Variants in DGCR2 observed in about 807,000 individuals in gnomAD.
The protein encoded by DGCR2 is integral membrane protein DGCR2/IDD.
Under a neutral mutation model 51.6 loss-of-function variants are expected in DGCR2, and 24 were observed. The ratio of observed to expected loss-of-function variants is 0.47; its 90% CI spans 0.34 to 0.65. The LOEUF is 0.65. DGCR2 is among the 30% of genes least tolerant of loss of function. The pLI, the probability that DGCR2 is intolerant of heterozygous loss-of-function variation, is 0.01. For missense variants in DGCR2, 765 were observed against 772.1 expected (o/e 0.99, Z 0.11); for synonymous variants, 340 against 315.4 (o/e 1.08, Z -0.82).
chr22:19,086,387 G>A (rs1243375234), intron 2 of DGCR2, among the ~76,000 whole-genome samples: 1 of 152,130 alleles, frequency 6.6e-6, no homozygotes, highest in Non-Finnish European at 1.5e-5. Flanking sequence ...GCTGAGGCAG[G>A]AGAATGGCAT....
intron 5 of DGCR2, among the ~76,000 whole-genome samples, chr22:19,062,779 A>ATTCATTCTCTCTCTCCTCTCTCTCT: frequency 7.9e-6 from 1 of 127,354 alleles, no homozygotes; most frequent in Non-Finnish European, 1.8e-5. Context: ...ATGCATGCTC[A>ATTCATTCTCTCTCTCCTCTCTCTCT]CTCTCTCTCT....
At chr22:19,073,284 ATG>A (rs2082837303) in intron 2 of DGCR2, among the ~76,000 whole-genome samples, 1 of 143,790 alleles carries the variant, frequency 7.0e-6, no homozygotes, top group South Asian at 3.0e-4. Flanking sequence ...AACTGAATAC[ATG>A]ACAGCAAACA....
intron 2 of DGCR2, among the ~76,000 whole-genome samples, chr22:19,075,014 G>A (rs554641288): frequency 9.2e-5 from 14 of 151,956 alleles, no homozygotes; most frequent in Admixed American, 8.5e-4. Context: ...TTCATTTCTG[G>A]GAAATTTTCT....
Position 19,092,606 on chromosome 22 carries a change from T to C in DGCR2, c.80-3116A>G, listed in dbSNP as rs554595535. 1.1e-4 allele frequency among the ~76,000 whole-genome samples: 17 copies of C among 152,214 alleles called. No homozygotes were observed. In the South Asian group the frequency reaches 3.3e-3, roughly 30 times the overall value. On this transcript the variant is annotated intron_variant, in intron 1 of 9. Coordinates refer to ENST00000263196, the MANE Select transcript of DGCR2 (RefSeq NM_005137.3). ...CTTCAAAGGAAACTCCAGGCACAAA[T>C]AGCTTCAATGGAAAATTCCTCCAAA...
intron 1 of DGCR2, among the ~76,000 whole-genome samples, chr22:19,105,772 A>C (rs1207881556): frequency 6.6e-6 from 1 of 152,184 alleles, no homozygotes; most frequent in East Asian, 1.9e-4. Context: ...CTGGCATTCC[A>C]AACAGTGCAC....
intron 2 of DGCR2, among the ~76,000 whole-genome samples, chr22:19,080,358 C>T (rs62221745): frequency 0.094 from 14,286 of 152,208 alleles, 738 homozygotes; most frequent in Middle Eastern, 0.15. Flanking sequence ...TTTATCTAAC[C>T]CAATATATTC....
chr22:19,063,651 A>G (rs2082713850), intron 4 of DGCR2, among the ~76,000 whole-genome samples: 1 of 151,868 alleles, frequency 6.6e-6, no homozygotes, highest in Non-Finnish European at 1.5e-5. Flanking sequence ...TGACCTCCAC[A>G]ACACTGAGCT....
intron 1 of DGCR2, among the ~76,000 whole-genome samples, chr22:19,105,639 T>A (rs1187924120): frequency 6.6e-6 from 1 of 152,158 alleles, no homozygotes; most frequent in Non-Finnish European, 1.5e-5. Flanking sequence ...CTTCATGGGA[T>A]GTGCTATAAC....
At chr22:19,062,779 A>ATGCATG in intron 5 of DGCR2, among the ~76,000 whole-genome samples, 2 of 127,352 alleles carry the variant, frequency 1.6e-5, no homozygotes. Flanking sequence ...ATGCATGCTC[A>ATGCATG]CTCTCTCTCT....
At chr22:19,105,289 A>T (rs2083250094) in intron 1 of DGCR2, among the ~76,000 whole-genome samples, 1 of 151,996 alleles carries the variant, frequency 6.6e-6, no homozygotes, top group South Asian at 2.1e-4. Context: ...ATACAACTGC[A>T]CTCCAGCCTG....
In DGCR2 at chr22:19,048,423, CCT is replaced by C; in HGVS notation, c.1006+15_1006+16del. On this transcript the variant is annotated intron_variant, in intron 7 of 9. Coordinates refer to ENST00000263196, the MANE Select transcript of DGCR2 (RefSeq NM_005137.3). ...AAATAGGGAGGCTGACTTGGGACGT[CCT>C]ATCAAGAGTCTCACCTGGGTCCAGA... The C allele has an allele frequency of 6.2e-7, 1 of 1,613,864 alleles. No homozygotes were observed. Among genetic ancestry groups the C allele is most frequent in the African/African-American group, 1.3e-5 (1 of 75,062 alleles).
At chr22:19,063,532 G>C (rs1349936277) in intron 4 of DGCR2, among the ~76,000 whole-genome samples, 2 of 136,612 alleles carry the variant, frequency 1.5e-5, no homozygotes, top group Non-Finnish European at 1.6e-5. Flanking sequence ...TTTTTTTTTA[G>C]TAGAGACGGG....
intron 2 of DGCR2, 150 bp from the exon 3 acceptor site, chr22:19,068,375 TG>T: frequency 1.1e-6 from 1 of 899,974 alleles, no homozygotes; most frequent in East Asian, 3.2e-5. Flanking sequence ...TAGAGCCCTA[TG>T]AAACACTGCC....
chr22:19,092,708 T>C (rs1344708764), intron 1 of DGCR2, among the ~76,000 whole-genome samples: 1 of 152,186 alleles, frequency 6.6e-6, no homozygotes, highest in Non-Finnish European at 1.5e-5. Flanking sequence ...CCATTAACAA[T>C]AGTATCAAAA....
At chr22:19,084,249 T>C (rs2082979572) in intron 2 of DGCR2, among the ~76,000 whole-genome samples, 1 of 149,038 alleles carries the variant, frequency 6.7e-6, no homozygotes, top group Admixed American at 6.7e-5. Flanking sequence ...GCCTCTTCCC[T>C]GTCGCCATCC....
intron 5 of DGCR2, among the ~76,000 whole-genome samples, chr22:19,059,371 G>C (rs779659700): frequency 6.6e-6 from 1 of 152,112 alleles, no homozygotes; most frequent in Non-Finnish European, 1.5e-5. Flanking sequence ...TTCCAAAGGT[G>C]TGAGAGGAGC....
intron 1 of DGCR2, among the ~76,000 whole-genome samples, chr22:19,114,034 G>A (rs2083346127): frequency 6.8e-6 from 1 of 146,310 alleles, no homozygotes; most frequent in Non-Finnish European, 1.5e-5. Flanking sequence ...ACTCCAGCCT[G>A]GGCAACAAAA....
intron 1 of DGCR2, among the ~76,000 whole-genome samples, chr22:19,106,970 T>C (rs755041367): frequency 2.6e-5 from 4 of 151,936 alleles, no homozygotes; most frequent in Non-Finnish European, 4.4e-5. Context: ...CCACCACCAG[T>C]CTGGTGCAGA....
chr22:19,062,828 CAGG>C, intron 5 of DGCR2, among the ~76,000 whole-genome samples: 1 of 148,636 alleles, frequency 6.7e-6, no homozygotes. Flanking sequence ...TAGTTTCCTT[CAGG>C]TCTGGATTCT....
Sources: allele counts gnomAD v4.1 joint callset (sites outside exome capture counted in the v4.1 genomes callset), GRCh38; gene constraint gnomAD v4.1.1; transcripts MANE v1.5; gene names NCBI Gene and HGNC (gene_info 2026-07-23, HGNC 2026-07-21).